The following C1orf198 variants were observed in gnomAD, a reference collection of about 807,000 sequenced individuals.
The protein encoded by C1orf198 is chromosome 1 open reading frame 198.
A neutral mutation model predicts 31.4 loss-of-function variants in C1orf198; 17 were observed. That is an observed-to-expected ratio of 0.54 (90% CI 0.37 to 0.81). The LOEUF (loss-of-function observed/expected upper bound fraction) is 0.81. Among genes scored for constraint, C1orf198 ranks in the 40% least tolerant of loss-of-function variants. The pLI is 0.00. For synonymous variants in C1orf198, 175 were observed against 193.8 expected, an observed-to-expected ratio of 0.90 and a Z score of 0.81; for missense variants, 401 against 450.3, an observed-to-expected ratio of 0.89 and a Z score of 0.99.
At chr1:230,854,145 C>T (rs1181633188) in intron 2 of C1orf198, among the ~76,000 whole-genome samples, 1 of 152,148 alleles carries the variant, frequency 6.6e-6, no homozygotes, top group African/African-American at 2.4e-5. Context: ...TTTTACTTTC[C>T]TTTGCCTTTA....
chr1:230,846,919 C>T (rs1232851528), intron 2 of C1orf198, among the ~76,000 whole-genome samples: 2 of 151,342 alleles, frequency 1.3e-5, no homozygotes, highest in Non-Finnish European at 2.9e-5. Flanking sequence ...CCGGCTAAAA[C>T]GGTGAAACCC....
intron 1 of C1orf198, among the ~76,000 whole-genome samples, chr1:230,864,300 C>G (rs1670064434): frequency 6.6e-6 from 1 of 152,154 alleles, no homozygotes; most frequent in South Asian, 2.1e-4. Flanking sequence ...GCAGGTAGCC[C>G]TAATGACACA....
Position 230,840,340 on chromosome 1 carries a change from T to C in C1orf198, c.928-432A>G, listed in dbSNP as rs1420170950. ...AAAAGAACTTGTAAAGTTGAGAAAG[T>C]AAACATAGTGTGGAAAGAATGTGAA... On this transcript the variant is annotated intron_variant, in intron 3 of 3. Transcript: ENST00000366663. This position sits in a 1 kb window ranked among gnomAD's most constrained non-coding sequence, Gnocchi z 4.0. Among the ~76,000 whole-genome samples, 1 of 152,168 alleles carries C rather than the reference T, an allele frequency of 6.6e-6. No individual in the cohort carries two copies. The highest frequency in any genetic ancestry group is 2.4e-5 in the African/African-American group (1 of 41,448).
intron 1 of C1orf198, chr1:230,856,031 C>T: frequency 9.0e-7 from 1 of 1,107,600 alleles, no homozygotes; most frequent in East Asian, 4.6e-5. Flanking sequence ...ATGGTCTCAG[C>T]AGAATCAGGC....
chr1:230,854,091 G>A (rs373559089), intron 2 of C1orf198, among the ~76,000 whole-genome samples: 23 of 152,188 alleles, frequency 1.5e-4, no homozygotes, highest in Admixed American at 2.0e-4. Flanking sequence ...AGATGTTCTC[G>A]TGGGGAACAT....
At chr1:230,847,028 G>A (rs1200675458) in intron 2 of C1orf198, among the ~76,000 whole-genome samples, 3 of 149,810 alleles carry the variant, frequency 2.0e-5, no homozygotes, top group East Asian at 2.0e-4. Context: ...GCGTGAACCC[G>A]GGAGGCGAAG....
chr1:230,845,458 G>A (rs983473840), intron 2 of C1orf198, among the ~76,000 whole-genome samples: 1 of 152,034 alleles, frequency 6.6e-6, no homozygotes, highest in Non-Finnish European at 1.5e-5. Context: ...CGAGGCAGGC[G>A]GATCATCTGA....
intron 1 of C1orf198, among the ~76,000 whole-genome samples, chr1:230,861,097 G>C (rs953726731): frequency 2.0e-5 from 3 of 152,224 alleles, no homozygotes; most frequent in Admixed American, 6.5e-5. Flanking sequence ...GTGGCACACA[G>C]AGGATTTCTG....
Position 230,855,680 on chromosome 1 carries a change from G to A in C1orf198, c.372C>T (p.Ser124=). The A allele has an allele frequency of 6.2e-7, 1 of 1,612,584 alleles. No individual in the cohort carries two copies. Among genetic ancestry groups the A allele is most frequent in the Non-Finnish European group, 8.5e-7 (1 of 1,179,176 alleles). The change falls in exon 2 of 4, where the codon TCC becomes TCT. Residue 124 remains serine, a synonymous_variant. Transcript: ENST00000366663. ...TAATCCAACTTACCTTTGTTTCCCA[G>A]GAGAAAGGGGCAGAGTGCTCATCTT... is the stretch of plus-strand genomic sequence containing the variant. ...TWQDEHSAPF[S]WETKSQMEFS... is the part of the protein sequence containing the mutation.
At chr1:230,850,226 T>C (rs1222181976) in intron 2 of C1orf198, among the ~76,000 whole-genome samples, 1 of 152,218 alleles carries the variant, frequency 6.6e-6, no homozygotes, top group Non-Finnish European at 1.5e-5. Flanking sequence ...AGAGGGTAAC[T>C]CTGGAAGCTG....
intron 3 of C1orf198, among the ~76,000 whole-genome samples, chr1:230,842,781 C>A (rs982279353): frequency 3.8e-4 from 57 of 151,562 alleles, no homozygotes; most frequent in African/African-American, 1.4e-3. Context: ...CCCACAAGAA[C>A]CAAGGAGTCT....
At position 230,857,727 on chromosome 1, in the gene C1orf198, A is replaced by G. The variant is rs919065633; in HGVS notation, c.334-2009T>C. Among the ~76,000 whole-genome samples, 10 of 152,214 alleles carry G rather than the reference A, an allele frequency of 6.6e-5. No individual in the cohort carries two copies. The highest frequency in any genetic ancestry group is 2.2e-4 in the African/African-American group (9 of 41,448). On this transcript the variant is annotated intron_variant, in intron 1 of 3. Coordinates refer to ENST00000366663, the MANE Select transcript of C1orf198 (RefSeq NM_032800.3). The surrounding 1 kb of genome is among the most constrained non-coding windows in gnomAD (Gnocchi z 4.2). ...TAAAAGGACTAAATATATTTATATC[A>G]GGAAAAAAAACACCACTAACAAAGA...
chr1:230,862,916 C>T (rs962269667), intron 1 of C1orf198, among the ~76,000 whole-genome samples: 1 of 152,112 alleles, frequency 6.6e-6, no homozygotes, highest in Non-Finnish European at 1.5e-5. Context: ...ACCACTGTAG[C>T]GTGGGAGCCA....
At position 230,855,661 on chromosome 1, in the gene C1orf198, A is replaced by G; in HGVS notation, c.384+7T>C. On this transcript the variant is annotated splice_region_variant and intron_variant, in intron 2 of 3. Coordinates refer to ENST00000366663, the MANE Select transcript of C1orf198 (RefSeq NM_032800.3). ...GAACAAATAGATCTAAATTTAATCC[A>G]ACTTACCTTTGTTTCCCAGGAGAAA... 6.2e-7 allele frequency: 1 copy of G among 1,611,982 alleles called. No homozygotes were observed. The highest frequency in any genetic ancestry group is 8.5e-7 in the Non-Finnish European group (1 of 1,178,814).
At chr1:230,856,023 G>A (rs1669861646) in intron 1 of C1orf198, 3 of 1,138,946 alleles carry the variant, frequency 2.6e-6, no homozygotes, top group Non-Finnish European at 3.2e-6. Context: ...AGGGCTTGAT[G>A]GTCTCAGCAG....
At chr1:230,860,944 ATAT>A (rs1420793313) in intron 1 of C1orf198, among the ~76,000 whole-genome samples, 1 of 152,232 alleles carries the variant, frequency 6.6e-6, no homozygotes, top group African/African-American at 2.4e-5. Flanking sequence ...CCTCAAATGA[ATAT>A]TATTAAGTGG....
rs1366792291 is a variant in C1orf198, at chr1:230,843,213, C to T, written c.927+141G>A. On this transcript the variant is annotated intron_variant, in intron 3 of 3. Coordinates refer to ENST00000366663, the MANE Select transcript of C1orf198 (RefSeq NM_032800.3). This position sits in a 1 kb window ranked among gnomAD's most constrained non-coding sequence, Gnocchi z 4.9. ...GGTGGCTCAGCACCCTGAGCCTAGG[C>T]ATCCTCTGAGGAAGAGGCAGGGGAA... The T allele has an allele frequency of 2.0e-6, 2 of 1,024,954 alleles. No individual in the cohort carries two copies. The highest frequency in any genetic ancestry group is 3.4e-5 in the African/African-American group (2 of 58,570). The allele number at this position is 1,024,954 out of a possible 1,614,324, so 63.5% of individuals were successfully genotyped here.
chr1:230,851,937 A>G (rs923117068), intron 2 of C1orf198, among the ~76,000 whole-genome samples: 1 of 152,244 alleles, frequency 6.6e-6, no homozygotes, highest in African/African-American at 2.4e-5. Flanking sequence ...ACAGAGGTGC[A>G]GCAGTTGGGT....
At chr1:230,860,639 A>C (rs963071276) in intron 1 of C1orf198, among the ~76,000 whole-genome samples, 1 of 152,260 alleles carries the variant, frequency 6.6e-6, no homozygotes, top group Non-Finnish European at 1.5e-5. Context: ...TTCCACTTAT[A>C]TAAGGTACCT....
Sources: gnomAD v4.1 joint callset for allele counts (sites outside exome capture counted in the v4.1 genomes callset) on GRCh38, gnomAD v4.1.1 for gene constraint, Gnocchi (gnomAD v3.1) non-coding constraint, MANE v1.5 for transcripts, NCBI Gene and HGNC (gene_info 2026-07-23, HGNC 2026-07-21) for gene names.